Variants in ROBO2 observed in about 807,000 individuals in gnomAD.
ROBO2 encodes roundabout homolog 2.
A neutral mutation model predicts 160.8 loss-of-function variants in ROBO2; 53 were observed. The ratio of observed to expected loss-of-function variants is 0.33; its 90% CI spans 0.26 to 0.41. The LOEUF (loss-of-function observed/expected upper bound fraction) is 0.41, where lower values mean the gene tolerates loss of function less well. ROBO2 is among the 10% of genes least tolerant of loss of function. ROBO2 has a pLI of 1.00. For missense variants in ROBO2, 1,577 were observed against 1,722.4 expected (o/e 0.92, Z 1.49); for synonymous variants, 664 against 611.7 (o/e 1.09, Z -1.26).
chr3:76,878,809 T>C (rs930059204), intron 2 of ROBO2, among the ~76,000 whole-genome samples: 1 of 152,128 alleles, frequency 6.6e-6, no homozygotes, highest in African/African-American at 2.4e-5. Flanking sequence ...GCTTACAAGA[T>C]AGCCATCAAA....
intron 2 of ROBO2, among the ~76,000 whole-genome samples, chr3:76,388,639 C>T (rs1242790235): frequency 2.6e-5 from 4 of 152,128 alleles, no homozygotes; most frequent in African/African-American, 9.7e-5. Context: ...TGTAGGTAAA[C>T]TGAGCTACTT....
chr3:77,328,281 A>T (rs2153438955), intron 2 of ROBO2, among the ~76,000 whole-genome samples: 1 of 152,238 alleles, frequency 6.6e-6, no homozygotes, highest in Non-Finnish European at 1.5e-5. Flanking sequence ...TGAGTTGAGG[A>T]ATTAACCAAA....
At chr3:76,409,220 T>C (rs2075365165) in intron 2 of ROBO2, among the ~76,000 whole-genome samples, 1 of 152,022 alleles carries the variant, frequency 6.6e-6, no homozygotes, top group South Asian at 2.1e-4. Context: ...AAATTGTAGG[T>C]ATCAAGATAA....
At chr3:76,284,254 T>C (rs1332484762) in intron 2 of ROBO2, among the ~76,000 whole-genome samples, 1 of 152,132 alleles carries the variant, frequency 6.6e-6, no homozygotes, top group Non-Finnish European at 1.5e-5. Flanking sequence ...CTTAATGCTA[T>C]TCCTACTTCT....
At chr3:76,279,211 G>T (rs1447518519) in intron 2 of ROBO2, among the ~76,000 whole-genome samples, 1 of 151,472 alleles carries the variant, frequency 6.6e-6, no homozygotes, top group Non-Finnish European at 1.5e-5. Flanking sequence ...TTTTTTTGGG[G>T]AAATTTCCTG....
intron 2 of ROBO2, among the ~76,000 whole-genome samples, chr3:77,319,281 A>G (rs906477848): frequency 1.1e-4 from 17 of 152,176 alleles, no homozygotes; most frequent in Admixed American, 9.8e-4. Flanking sequence ...ATAAAGAATT[A>G]ATCATTCTTT....
At chr3:76,610,170 AT>A (rs1273881603) in intron 2 of ROBO2, among the ~76,000 whole-genome samples, 4 of 152,108 alleles carry the variant, frequency 2.6e-5, no homozygotes, top group African/African-American at 9.7e-5. Flanking sequence ...AGTTTCACTG[AT>A]GTGTCTTTGT....
At chr3:76,242,293 G>C (rs1189635459) in intron 2 of ROBO2, among the ~76,000 whole-genome samples, 3 of 152,120 alleles carry the variant, frequency 2.0e-5, no homozygotes, top group Non-Finnish European at 4.4e-5. Context: ...GATACTCCTT[G>C]ACCAAATGCG....
chr3:77,292,828 C>G (rs7430864), intron 2 of ROBO2, among the ~76,000 whole-genome samples: 2 of 131,254 alleles, frequency 1.5e-5, no homozygotes, highest in Non-Finnish European at 1.7e-5. Context: ...TAAAGTAAAA[C>G]TGACGGTTAA....
At chr3:76,909,246 C>T (rs1363232949) in intron 2 of ROBO2, among the ~76,000 whole-genome samples, 1 of 152,126 alleles carries the variant, frequency 6.6e-6, no homozygotes, top group Non-Finnish European at 1.5e-5. Context: ...AGACATTGAC[C>T]TTGTATAGTG....
At chr3:76,241,136 CTG>C (rs1705258101) in intron 2 of ROBO2, among the ~76,000 whole-genome samples, 1 of 152,170 alleles carries the variant, frequency 6.6e-6, no homozygotes, top group African/African-American at 2.4e-5. Context: ...GCGTGGTTAT[CTG>C]TGATAAAAGC....
chr3:76,238,617 C>A (rs1412487892), intron 2 of ROBO2, among the ~76,000 whole-genome samples: 1 of 151,362 alleles, frequency 6.6e-6, no homozygotes, highest in Non-Finnish European at 1.5e-5. Context: ...ATCTAATCAC[C>A]TCCCCCCAGG....
At chr3:76,993,873 T>C (rs1184280032) in intron 2 of ROBO2, among the ~76,000 whole-genome samples, 1 of 150,556 alleles carries the variant, frequency 6.6e-6, no homozygotes, top group Non-Finnish European at 1.5e-5. Context: ...TTTTTTAACT[T>C]TAGCTTTTGT....
chr3:76,080,467 G>A (rs371234763), intron 2 of ROBO2, among the ~76,000 whole-genome samples: 15 of 152,256 alleles, frequency 9.9e-5, no homozygotes, highest in South Asian at 2.1e-4. Context: ...CCTGATGGTC[G>A]GAGCACAACA....
intron 1 of ROBO2, among the ~76,000 whole-genome samples, chr3:77,054,864 CCT>C (rs2065567144): frequency 6.6e-6 from 1 of 151,896 alleles, no homozygotes; most frequent in Non-Finnish European, 1.5e-5. Flanking sequence ...AGATGGGCAT[CCT>C]GCCGTAATGT....
intron 1 of ROBO2, among the ~76,000 whole-genome samples, chr3:77,049,985 T>C (rs2065056080): frequency 6.6e-6 from 1 of 152,220 alleles, no homozygotes; most frequent in Admixed American, 6.5e-5. Flanking sequence ...GGAAAGTTTA[T>C]AAGTTTTTAT....
chr3:76,307,669 C>T (rs1474054007), intron 2 of ROBO2, among the ~76,000 whole-genome samples: 1 of 151,842 alleles, frequency 6.6e-6, no homozygotes, highest in Non-Finnish European at 1.5e-5. Flanking sequence ...TCCATGCGCC[C>T]GACTCAGTAA....
At chr3:75,922,093 A>C (rs1227138559) in intron 1 of ROBO2, among the ~76,000 whole-genome samples, 1 of 152,134 alleles carries the variant, frequency 6.6e-6, no homozygotes, top group African/African-American at 2.4e-5. Flanking sequence ...TTCATGTTAC[A>C]TAATCTCAAT....
intron 2 of ROBO2, among the ~76,000 whole-genome samples, chr3:75,958,941 T>C (rs1160587994): frequency 6.6e-6 from 1 of 151,818 alleles, no homozygotes; most frequent in Non-Finnish European, 1.5e-5. Context: ...TCCAATTTCA[T>C]TTAGCTTCAA....
Sources: allele counts gnomAD v4.1 joint callset (sites outside exome capture counted in the v4.1 genomes callset), GRCh38; gene constraint gnomAD v4.1.1; transcripts MANE v1.5; gene names NCBI Gene and HGNC (gene_info 2026-07-23, HGNC 2026-07-21).